Variants in GRAMD1B observed in about 807,000 individuals in gnomAD.
GRAMD1B encodes protein Aster-B.
A neutral mutation model predicts 99.7 loss-of-function variants in GRAMD1B; 37 were observed. That is an observed-to-expected ratio of 0.37 (90% CI 0.29 to 0.49). The LOEUF is 0.49. Among genes scored for constraint, GRAMD1B ranks in the 20% least tolerant of loss-of-function variants. GRAMD1B has a pLI of 0.98. For missense variants in GRAMD1B, 888 were observed against 1,009.2 expected, an observed-to-expected ratio of 0.88 and a Z score of 1.63; for synonymous variants, 427 against 387.6, an observed-to-expected ratio of 1.10 and a Z score of -1.19.
At chr11:123,598,387 G>T (rs192462033) in intron 7 of GRAMD1B, 19 of 963,858 alleles carry the variant, frequency 2.0e-5, no homozygotes, top group Non-Finnish European at 3.1e-5. Flanking sequence ...TCTTCCTCTC[G>T]CTCTTCTCCT....
chr11:123,526,073 C>G (rs1429942202), intron 2 of GRAMD1B: 3 of 1,283,272 alleles, frequency 2.3e-6, no homozygotes, highest in Non-Finnish European at 3.4e-6. Flanking sequence ...GTCATCTTTT[C>G]CAATATGTCC....
chr11:123,440,210 A>G (rs1043451409), intron 1 of GRAMD1B, among the ~76,000 whole-genome samples: 4 of 152,204 alleles, frequency 2.6e-5, no homozygotes, highest in Non-Finnish European at 5.9e-5. Flanking sequence ...ATCATTTTTT[A>G]TGCCATAAAA....
chr11:123,608,328 A>G (rs1167870857), intron 11 of GRAMD1B: 2 of 632,822 alleles, frequency 3.2e-6, no homozygotes, highest in Non-Finnish European at 5.4e-6. Flanking sequence ...AACTTCCAGA[A>G]GTAGTCATTT....
chr11:123,597,843 G>A (rs562434517), intron 7 of GRAMD1B: 34 of 695,948 alleles, frequency 4.9e-5, no homozygotes, highest in Non-Finnish European at 6.8e-5. Context: ...ATGAAACTAA[G>A]TAGCAAAAGG....
intron 1 of GRAMD1B, among the ~76,000 whole-genome samples, chr11:123,383,984 C>T (rs941497266): frequency 5.9e-5 from 9 of 152,058 alleles, no homozygotes; most frequent in Non-Finnish European, 1.3e-4. Flanking sequence ...GATTCTCTTG[C>T]CTTAGCCTCC....
chr11:123,619,363 T>G (rs1380164384), intron 19 of GRAMD1B, 139 bp downstream of exon 19: 5 of 1,519,308 alleles, frequency 3.3e-6, no homozygotes, highest in Non-Finnish European at 4.4e-6. Flanking sequence ...AGGCCATGCA[T>G]TGTTCTAAAT....
At chr11:123,532,180 C>A (rs1459485921) in intron 2 of GRAMD1B, among the ~76,000 whole-genome samples, 1 of 152,212 alleles carries the variant, frequency 6.6e-6, no homozygotes, top group Admixed American at 6.5e-5. Flanking sequence ...CTTGATCACT[C>A]CAAGTCCCCT....
At chr11:123,449,971 C>G (rs570423313) in intron 1 of GRAMD1B, among the ~76,000 whole-genome samples, 103 of 152,210 alleles carry the variant, frequency 6.8e-4, no homozygotes, top group African/African-American at 2.4e-3. Flanking sequence ...GATCCTTCTG[C>G]CTCAGCCTCC....
At chr11:123,451,533 T>C (rs557333916) in intron 1 of GRAMD1B, among the ~76,000 whole-genome samples, 7 of 152,330 alleles carry the variant, frequency 4.6e-5, no homozygotes, top group African/African-American at 1.7e-4. Flanking sequence ...GTGTGGGTAA[T>C]TCAAATCCAC....
chr11:123,476,941 T>A (rs1346320298), intron 1 of GRAMD1B, among the ~76,000 whole-genome samples: 2 of 152,192 alleles, frequency 1.3e-5, no homozygotes, highest in African/African-American at 2.4e-5. Context: ...AGAGTTATCA[T>A]TTTTCTGCTT....
At chr11:123,484,355 G>A (rs146632205) in intron 2 of GRAMD1B, among the ~76,000 whole-genome samples, 106 of 152,244 alleles carry the variant, frequency 7.0e-4, no homozygotes, top group African/African-American at 2.4e-3. Context: ...GCTAACTAGA[G>A]AGAACTCTGC....
At chr11:123,440,134 CTTG>C (rs1949340128) in intron 1 of GRAMD1B, among the ~76,000 whole-genome samples, 1 of 152,222 alleles carries the variant, frequency 6.6e-6, no homozygotes, top group Non-Finnish European at 1.5e-5. Context: ...AGTCTTCAAG[CTTG>C]TTGTCTTAAA....
intron 2 of GRAMD1B, among the ~76,000 whole-genome samples, chr11:123,535,250 A>T (rs1943843350): frequency 6.6e-6 from 1 of 152,138 alleles, no homozygotes; most frequent in Non-Finnish European, 1.5e-5. Context: ...TAAAAAAAAA[A>T]AAATCTCATA....
At chr11:123,475,268 G>T (rs1183907878) in intron 1 of GRAMD1B, among the ~76,000 whole-genome samples, 1 of 152,188 alleles carries the variant, frequency 6.6e-6, no homozygotes, top group African/African-American at 2.4e-5. Context: ...CCCTTGTGGA[G>T]CGTGCTTTGG....
At chr11:123,487,625 G>A (rs890642318) in intron 2 of GRAMD1B, among the ~76,000 whole-genome samples, 1 of 152,180 alleles carries the variant, frequency 6.6e-6, no homozygotes, top group Admixed American at 6.5e-5. Flanking sequence ...TGTTTTTTTA[G>A]AGACAGTCTT....
intron 17 of GRAMD1B, among the ~76,000 whole-genome samples, chr11:123,615,071 C>T (rs1043138880): frequency 3.3e-5 from 5 of 152,252 alleles, no homozygotes; most frequent in Non-Finnish European, 4.4e-5. Context: ...GAAAATGCTT[C>T]ATGCAGCATC....
At chr11:123,485,483 A>C (rs1343125971) in intron 2 of GRAMD1B, among the ~76,000 whole-genome samples, 1 of 152,164 alleles carries the variant, frequency 6.6e-6, no homozygotes, top group Non-Finnish European at 1.5e-5. Flanking sequence ...TCTGTCCTGA[A>C]GGAAAGACTT....
rs921060792 is a variant in GRAMD1B at position 123,492,014 on chromosome 11, T to G, written c.452+11121T>G. ...TTGGGATTGCCTGGGTTGGCTCCCA[T>G]GTTTGGAGATATTGTAGGTCCCTGC... On this transcript the variant is annotated intron_variant, in intron 2 of 19. Coordinates refer to ENST00000635736, the MANE Select transcript of GRAMD1B (RefSeq NM_001387025.1). This position sits in a 1 kb window ranked among gnomAD's most constrained non-coding sequence, Gnocchi z 4.2. 1 of 398,234 alleles carries G rather than the reference T, an allele frequency of 2.5e-6. No homozygotes were observed. Among genetic ancestry groups the G allele is most frequent in the Non-Finnish European group, 4.4e-6 (1 of 225,720 alleles). The allele number at this position is 398,234 out of a possible 1,614,324, so 24.7% of individuals were successfully genotyped here.
chr11:123,547,862 A>G (rs1945169045), intron 2 of GRAMD1B, among the ~76,000 whole-genome samples: 1 of 152,116 alleles, frequency 6.6e-6, no homozygotes, highest in South Asian at 2.1e-4. Flanking sequence ...CACATGTGTT[A>G]ATTATTCTTA....
Sources: gnomAD v4.1 joint callset for allele counts (sites outside exome capture counted in the v4.1 genomes callset) on GRCh38, gnomAD v4.1.1 for gene constraint, Gnocchi (gnomAD v3.1) non-coding constraint, MANE v1.5 for transcripts, NCBI Gene and HGNC (gene_info 2026-07-23, HGNC 2026-07-21) for gene names.